CAMK1D: variants seen among roughly 807,000 people sequenced by gnomAD.
The protein encoded by CAMK1D is calcium/calmodulin dependent protein kinase ID, also known as calcium/calmodulin-dependent protein kinase type 1D.
CAMK1D carries 9 observed loss-of-function variants against 47.7 expected under a neutral mutation model. The ratio of observed to expected loss-of-function variants is 0.19; its 90% CI spans 0.11 to 0.33. The LOEUF (loss-of-function observed/expected upper bound fraction) is 0.33, where lower values mean the gene tolerates loss of function less well. Among genes scored for constraint, CAMK1D ranks in the 10% least tolerant of loss-of-function variants. The pLI is 1.00. For synonymous variants in CAMK1D, 184 were observed against 184.9 expected, an observed-to-expected ratio of 0.99 and a Z score of 0.04; for missense variants, 291 against 488.7, an observed-to-expected ratio of 0.60 and a Z score of 3.81.
chr10:12,453,229 G>A (rs1189659139), intron 1 of CAMK1D, among the ~76,000 whole-genome samples: 6 of 145,610 alleles, frequency 4.1e-5, no homozygotes, highest in Non-Finnish European at 7.5e-5. Context: ...TCACTCTGTC[G>A]CCTAGGCTGG....
intron 2 of CAMK1D, among the ~76,000 whole-genome samples, chr10:12,571,905 T>TA (rs5783275): frequency 0.3 from 46,183 of 151,834 alleles, 7,663 homozygotes; most frequent in Non-Finnish European, 0.36. Context: ...TCTAAAACAA[T>TA]AAAAATGCTT....
At chr10:12,795,178 CA>C (rs1175892004) in intron 6 of CAMK1D, among the ~76,000 whole-genome samples, 5 of 151,992 alleles carry the variant, frequency 3.3e-5, no homozygotes, top group Admixed American at 3.3e-4. Context: ...GTTGGATAAG[CA>C]GAGAGATAAG....
At chr10:12,387,420 ATATATTTTATATATTATATATATTT>A (rs1297038227) in intron 1 of CAMK1D, among the ~76,000 whole-genome samples, 579 of 52,510 alleles carry the variant, frequency 0.011, 4 homozygotes, top group East Asian at 0.028. Flanking sequence ...TATATATTTT[ATATATTTTATATATTATATATATTT>A]TATATATATA....
chr10:12,760,552 A>C (rs1347041437), intron 3 of CAMK1D: 1 of 161,476 alleles, frequency 6.2e-6, no homozygotes, highest in African/African-American at 2.4e-5. Context: ...CGTTTTGCCC[A>C]CAACACTCTC....
At chr10:12,700,053 A>G (rs1433413571) in intron 3 of CAMK1D, among the ~76,000 whole-genome samples, 2 of 152,164 alleles carry the variant, frequency 1.3e-5, no homozygotes, top group African/African-American at 4.8e-5. Context: ...TTTTCCACGA[A>G]CTTTTTGAAG....
intron 1 of CAMK1D, among the ~76,000 whole-genome samples, chr10:12,362,402 A>G (rs1837692344): frequency 6.6e-6 from 1 of 151,438 alleles, no homozygotes; most frequent in African/African-American, 2.5e-5. Flanking sequence ...TGCCGCGGAT[A>G]ACAAAATTTT....
Position 12,609,888 on chromosome 10 carries a change from C to T in CAMK1D, c.224+56532C>T, listed in dbSNP as rs572506891. On this transcript the variant is annotated intron_variant, in intron 2 of 10. Coordinates refer to ENST00000619168, the MANE Select transcript of CAMK1D (RefSeq NM_153498.4). The stretch of plus-strand genomic sequence containing the variant: ...GGCTCAAGAGGGAGGGAAAGATCAG[C>T]TCTCAAACATCCTGGAGAGTTGAAG... Among the ~76,000 whole-genome samples, 4 of 152,262 alleles carry T rather than the reference C, an allele frequency of 2.6e-5. No homozygotes were observed. In the South Asian group the frequency reaches 6.2e-4, roughly 24 times the overall value.
chr10:12,703,819 A>G (rs1237163783), intron 3 of CAMK1D, among the ~76,000 whole-genome samples: 2 of 151,680 alleles, frequency 1.3e-5, no homozygotes, highest in Non-Finnish European at 2.9e-5. Context: ...CAGTGAGCCG[A>G]GATCACGCCA....
At chr10:12,810,900 C>T (rs1180485882) in intron 6 of CAMK1D, among the ~76,000 whole-genome samples, 2 of 152,192 alleles carry the variant, frequency 1.3e-5, no homozygotes, top group Non-Finnish European at 2.9e-5. Flanking sequence ...GTGTGGGAAC[C>T]ACAAGGAATA....
rs569926983 is a variant in CAMK1D at position 12,689,889 on chromosome 10, A to G, written c.299+23079A>G. 2.6e-5 allele frequency among the ~76,000 whole-genome samples: 4 copies of G among 152,250 alleles called. No individual in the cohort carries two copies. The East Asian group carries it at 5.8e-4, about 22-fold the overall frequency. On this transcript the variant is annotated intron_variant, in intron 3 of 10. Transcript: ENST00000619168. ...AATGAGGTCTATGTTGGGTGAATTC[A>G]TTTTTATGGTTCATTCTGGTTTGGA...
At chr10:12,515,409 T>C (rs1016069749) in intron 1 of CAMK1D, among the ~76,000 whole-genome samples, 7 of 68,464 alleles carry the variant, frequency 1.0e-4, no homozygotes, top group Non-Finnish European at 2.1e-4. Context: ...TTTCTTTTTT[T>C]TTTTTTTTCT....
At position 12,819,464 on chromosome 10, in the gene CAMK1D, C is replaced by A. The variant is rs17152304; in HGVS notation, c.833+3136C>A. Among the ~76,000 whole-genome samples, 1,271 of 152,340 alleles carry A rather than the reference C, an allele frequency of 8.3e-3. 20 individuals carry two copies. Among genetic ancestry groups the A allele is most frequent in the African/African-American group, 0.029 (1,207 of 41,572 alleles). Reference sequence around the variant, plus strand: ...GGCCTGCTCGGCTCTTAAGTCCTGGCTTCACCACTCACTGCCCGTGTGGAT... The same window carrying A: ...GGCCTGCTCGGCTCTTAAGTCCTGGATTCACCACTCACTGCCCGTGTGGAT... On this transcript the variant is annotated intron_variant, in intron 8 of 10. Coordinates refer to ENST00000619168, the MANE Select transcript of CAMK1D (RefSeq NM_153498.4).
chr10:12,489,222 G>C (rs1456487667), intron 1 of CAMK1D, among the ~76,000 whole-genome samples: 1 of 152,194 alleles, frequency 6.6e-6, no homozygotes, highest in African/African-American at 2.4e-5. Flanking sequence ...ACAGGCGTGA[G>C]CCACTGTGCC....
chr10:12,514,437 C>G (rs1177632574), intron 1 of CAMK1D, among the ~76,000 whole-genome samples: 1 of 152,216 alleles, frequency 6.6e-6, no homozygotes, highest in East Asian at 1.9e-4. Flanking sequence ...CCCTTCAGTT[C>G]TAGCCTAGAT....
In CAMK1D at chr10:12,406,722, C is replaced by CAAAAAA. The variant is rs3061400; in HGVS notation, c.92+56837_92+56842dup. 1.0e-3 allele frequency among the ~76,000 whole-genome samples: 72 copies of CAAAAAA among 69,204 alleles called. 1 individual carries two copies. The highest frequency in any genetic ancestry group is 1.2e-3 in the Admixed American group (8 of 6,610). The allele number at this position is 69,204 out of a possible 152,430, so 45.4% of individuals were successfully genotyped here. ...TGGGTGACAAAATGAGACCCTGTCT[C>CAAAAAA]AAAAAAAAAAAAAAAAAAAAAAAAA... On this transcript the variant is annotated intron_variant, in intron 1 of 10. Transcript: ENST00000619168.
At chr10:12,412,946 T>C (rs1839715547) in intron 1 of CAMK1D, among the ~76,000 whole-genome samples, 1 of 152,160 alleles carries the variant, frequency 6.6e-6, no homozygotes, top group Non-Finnish European at 1.5e-5. Context: ...GTGGTGGAAC[T>C]AAGATTCTGC....
intron 2 of CAMK1D, among the ~76,000 whole-genome samples, chr10:12,576,768 C>G (rs377430214): frequency 6.6e-6 from 1 of 152,178 alleles, no homozygotes; most frequent in African/African-American, 2.4e-5. Context: ...GTGTGCGGCC[C>G]GGTTCCACGG....
chr10:12,484,723 T>G (rs1019482961), intron 1 of CAMK1D, among the ~76,000 whole-genome samples: 1 of 151,684 alleles, frequency 6.6e-6, no homozygotes, highest in East Asian at 1.9e-4. Flanking sequence ...GAGGAGAGCC[T>G]AGCTTGTGGC....
intron 2 of CAMK1D, among the ~76,000 whole-genome samples, chr10:12,635,297 T>C (rs1471200119): frequency 6.6e-6 from 1 of 152,216 alleles, no homozygotes; most frequent in Non-Finnish European, 1.5e-5. Flanking sequence ...TTCCTGGGAC[T>C]TCCCATCCGC....
Sources: allele counts gnomAD v4.1 joint callset (sites outside exome capture counted in the v4.1 genomes callset), GRCh38; gene constraint gnomAD v4.1.1; transcripts MANE v1.5; gene names NCBI Gene and HGNC (gene_info 2026-07-23, HGNC 2026-07-21).